The following FRMD4A variants were observed in gnomAD, a reference collection of about 807,000 sequenced individuals.
FRMD4A encodes FERM domain containing 4A.
In FRMD4A, 29 loss-of-function variants were observed where a neutral mutation model predicts 129.1. That is an observed-to-expected ratio of 0.22 (90% CI 0.17 to 0.31). The LOEUF (loss-of-function observed/expected upper bound fraction) is 0.31, where lower values mean the gene tolerates loss of function less well. FRMD4A is among the 10% of genes least tolerant of loss of function. The probability of loss-of-function intolerance (pLI) is 1.00; values close to 1 mark genes in which losing one functional copy is unlikely to be tolerated. For synonymous variants in FRMD4A, 634 were observed against 571.6 expected, an observed-to-expected ratio of 1.11 and a Z score of -1.56; for missense variants, 1,272 against 1,375.8, an observed-to-expected ratio of 0.92 and a Z score of 1.19.
intron 6 of FRMD4A, among the ~76,000 whole-genome samples, chr10:13,763,924 G>A (rs1190175172): frequency 2.3e-4 from 35 of 151,892 alleles, no homozygotes; most frequent in Admixed American, 2.2e-3. Flanking sequence ...TAGTACAGAC[G>A]GGGTACCAGG....
chr10:13,931,522 C>A (rs943257199), intron 2 of FRMD4A, among the ~76,000 whole-genome samples: 2 of 152,158 alleles, frequency 1.3e-5, no homozygotes, highest in South Asian at 2.1e-4. Context: ...CCAGGAAAGA[C>A]CTTCCTGACT....
At chr10:13,658,214 C>A (rs1229449825) in intron 21 of FRMD4A, among the ~76,000 whole-genome samples, 1 of 149,156 alleles carries the variant, frequency 6.7e-6, no homozygotes, top group African/African-American at 2.5e-5. Flanking sequence ...AGCAGTCCTA[C>A]AGAGGCCCTT....
chr10:13,753,737 G>A (rs928955265), intron 8 of FRMD4A, among the ~76,000 whole-genome samples: 1 of 151,744 alleles, frequency 6.6e-6, no homozygotes, highest in African/African-American at 2.4e-5. Flanking sequence ...TAGAGATGAG[G>A]TCTCACTATG....
In FRMD4A at chr10:14,122,841, C is replaced by T. The variant is rs997855270; in HGVS notation, c.45+207217G>A. 6.7e-4 allele frequency among the ~76,000 whole-genome samples: 102 copies of T among 152,122 alleles called. 1 individual carries two copies. Among genetic ancestry groups the T allele is most frequent in the African/African-American group, 2.3e-3 (97 of 41,424 alleles). On this transcript the variant is annotated intron_variant, in intron 2 of 24. Transcript: ENST00000357447. Reference sequence around the variant, plus strand: ...TTATAGCGATGTTTCAATACATATACTGTATAGTGATGAGATGGGGATAAT... The same window carrying T: ...TTATAGCGATGTTTCAATACATATATTGTATAGTGATGAGATGGGGATAAT...
At chr10:13,936,632 AC>A (rs1363605302) in intron 2 of FRMD4A, among the ~76,000 whole-genome samples, 1 of 152,140 alleles carries the variant, frequency 6.6e-6, no homozygotes, top group Non-Finnish European at 1.5e-5. Flanking sequence ...CCTTTCATAC[AC>A]CAAATCTACC....
chr10:14,165,006 T>G (rs1841099901), intron 2 of FRMD4A, among the ~76,000 whole-genome samples: 3 of 152,124 alleles, frequency 2.0e-5, no homozygotes, highest in Admixed American at 2.0e-4. Flanking sequence ...ATTAGATATT[T>G]CTAAAAAATT....
At chr10:14,231,347 T>G (rs956311711) in intron 2 of FRMD4A, among the ~76,000 whole-genome samples, 1 of 117,526 alleles carries the variant, frequency 8.5e-6, no homozygotes, top group Non-Finnish European at 1.9e-5. Context: ...CTCATTGTGG[T>G]TTTTTTTTTT....
At chr10:13,945,280 G>A (rs1185438057) in intron 2 of FRMD4A, among the ~76,000 whole-genome samples, 1 of 152,194 alleles carries the variant, frequency 6.6e-6, no homozygotes, top group Non-Finnish European at 1.5e-5. Context: ...CTTTGGGATA[G>A]GGTCTGTATG....
intron 9 of FRMD4A, among the ~76,000 whole-genome samples, chr10:13,745,622 A>G (rs1008150147): frequency 6.6e-6 from 1 of 152,226 alleles, no homozygotes; most frequent in Non-Finnish European, 1.5e-5. Context: ...GATAATGGAG[A>G]TGGTGAAGGA....
intron 2 of FRMD4A, among the ~76,000 whole-genome samples, chr10:13,947,951 C>T (rs941670425): frequency 2.0e-5 from 3 of 151,810 alleles, no homozygotes; most frequent in Non-Finnish European, 4.4e-5. Flanking sequence ...GTAATTCCGG[C>T]ACTGAGAGGC....
intron 6 of FRMD4A, among the ~76,000 whole-genome samples, chr10:13,767,405 A>AT (rs372185724): frequency 2.0e-5 from 3 of 152,012 alleles, no homozygotes; most frequent in South Asian, 2.1e-4. Flanking sequence ...TGCCTGGCCA[A>AT]TTTTTTTATT....
chr10:13,763,493 G>C (rs2092157390), intron 6 of FRMD4A, among the ~76,000 whole-genome samples: 1 of 152,220 alleles, frequency 6.6e-6, no homozygotes, highest in South Asian at 2.1e-4. Flanking sequence ...CGTCAGCTCA[G>C]ATACAGAACG....
intron 2 of FRMD4A, among the ~76,000 whole-genome samples, chr10:13,903,898 C>A (rs2094850240): frequency 2.0e-5 from 3 of 151,946 alleles, no homozygotes; most frequent in Admixed American, 6.6e-5. Flanking sequence ...AAAAAATTGT[C>A]TGATGAGTGA....
intron 12 of FRMD4A, among the ~76,000 whole-genome samples, chr10:13,715,930 G>T (rs7099186): frequency 1.4e-5 from 2 of 146,746 alleles, no homozygotes; most frequent in Non-Finnish European, 3.0e-5. Context: ...AAAAAGAAAT[G>T]CTATGATTGT....
intron 3 of FRMD4A, among the ~76,000 whole-genome samples, chr10:13,832,012 G>C (rs1384870392): frequency 2.0e-5 from 3 of 152,126 alleles, no homozygotes; most frequent in Non-Finnish European, 4.4e-5. Flanking sequence ...AGAGTGGAGG[G>C]AAAAATCAAA....
intron 3 of FRMD4A, among the ~76,000 whole-genome samples, chr10:13,850,090 AC>A (rs1469208798): frequency 1.3e-5 from 2 of 151,886 alleles, no homozygotes; most frequent in Non-Finnish European, 2.9e-5. Context: ...AAGCACTTGA[AC>A]CCAGGAGGCT....
At chr10:13,996,236 G>A (rs756312658) in intron 2 of FRMD4A, among the ~76,000 whole-genome samples, 21 of 152,160 alleles carry the variant, frequency 1.4e-4, no homozygotes, top group Non-Finnish European at 2.6e-4. Flanking sequence ...TAATTGCAGA[G>A]GAACAAAAAC....
chr10:14,097,042 G>T (rs1426141133), intron 2 of FRMD4A: 2 of 145,492 alleles, frequency 1.4e-5, no homozygotes, highest in Non-Finnish European at 3.0e-5. Flanking sequence ...GGATGAAGCA[G>T]GAGAATCGCT....
chr10:14,266,287 T>A (rs769740871), intron 2 of FRMD4A, among the ~76,000 whole-genome samples: 1 of 152,120 alleles, frequency 6.6e-6, no homozygotes, highest in Non-Finnish European at 1.5e-5. Flanking sequence ...CAATGACAAA[T>A]GTCCTGGGGC....
Sources: gnomAD v4.1 joint callset for allele counts (sites outside exome capture counted in the v4.1 genomes callset) on GRCh38, gnomAD v4.1.1 for gene constraint, MANE v1.5 for transcripts, NCBI Gene and HGNC (gene_info 2026-07-23, HGNC 2026-07-21) for gene names.